BHMT2: variants seen among roughly 807,000 people sequenced by gnomAD.
BHMT2 encodes betaine--homocysteine S-methyltransferase 2, also known as S-methylmethionine--homocysteine S-methyltransferase BHMT2.
A neutral mutation model predicts 39.0 loss-of-function variants in BHMT2; 28 were observed. That is an observed-to-expected ratio of 0.72 (90% CI 0.53 to 0.98). The LOEUF is 0.98. BHMT2 is among the 50% of genes least tolerant of loss of function. The probability of loss-of-function intolerance (pLI) is 0.00; values close to 1 mark genes in which losing one functional copy is unlikely to be tolerated. For missense variants in BHMT2, 410 were observed against 455.6 expected, an observed-to-expected ratio of 0.90 and a Z score of 0.91; for synonymous variants, 145 against 160.6, an observed-to-expected ratio of 0.90 and a Z score of 0.74.
At chr5:79,078,879 A>G (rs1301450072) in intron 2 of BHMT2, among the ~76,000 whole-genome samples, 7 of 152,206 alleles carry the variant, frequency 4.6e-5, no homozygotes. Flanking sequence ...AGAGGAAGGA[A>G]TGACTTTCAG....
chr5:79,077,573 C>T lies in BHMT2; in HGVS notation c.127C>T (p.Leu43Phe), dbSNP rs370995614. 2 of 1,613,790 alleles carry T rather than the reference C, an allele frequency of 1.2e-6. No individual in the cohort carries two copies. Among genetic ancestry groups the T allele is most frequent in the African/African-American group, 2.7e-5 (2 of 74,860 alleles). Residue 43 changes from leucine (L) to phenylalanine (F), a missense_variant, in exon 2 of 8, where the codon CTC becomes TTC. Physicochemically the swap from Leu to Phe is conservative, Grantham distance 22. Coordinates refer to ENST00000255192, the MANE Select transcript of BHMT2 (RefSeq NM_017614.5). ...LEKRGYVKAG[L>F]WTPEAVIEHP... ...GAAGAGAGGCTATGTGAAGGCTGGG[C>T]TCTGGACTCCAGAGGCAGTGATAGA...
intron 2 of BHMT2, 125 bp downstream of exon 2, chr5:79,077,737 A>T: frequency 8.4e-7 from 1 of 1,195,280 alleles, no homozygotes; most frequent in Non-Finnish European, 1.2e-6. Context: ...GATTGCCAAG[A>T]TGTGGAGATA....
chr5:79,084,335 G>A (rs1023869616), intron 7 of BHMT2, among the ~76,000 whole-genome samples: 1 of 152,124 alleles, frequency 6.6e-6, no homozygotes, highest in East Asian at 1.9e-4. Flanking sequence ...GCAGTGCAAT[G>A]ACACAATCTC....
chr5:79,070,775 T>C (rs140512491), intron 1 of BHMT2, among the ~76,000 whole-genome samples: 58 of 152,350 alleles, frequency 3.8e-4, no homozygotes, highest in African/African-American at 1.3e-3. Context: ...GAGAACCAGC[T>C]AAGTGCCTTG....
At chr5:79,085,510 A>G (rs1011643158) in intron 7 of BHMT2, among the ~76,000 whole-genome samples, 1 of 152,152 alleles carries the variant, frequency 6.6e-6, no homozygotes, top group Non-Finnish European at 1.5e-5. Flanking sequence ...GCAAAACTTC[A>G]TCTCTACTAA....
rs376333321 is a variant in BHMT2 at position 79,069,832 on chromosome 5, C to T, written c.33+17C>T. The T allele has an allele frequency of 5.2e-5, 74 of 1,415,936 alleles. No individual in the cohort carries two copies. The highest frequency in any genetic ancestry group is 6.6e-5 in the Non-Finnish European group (71 of 1,077,084). 87.7% of individuals were successfully genotyped at this position (1,415,936 alleles called of 1,614,324 possible). A position where few individuals can be genotyped will look rare whatever the true frequency, so the allele number is the denominator to read the frequency against. On this transcript the variant is annotated intron_variant, in intron 1 of 7. Transcript: ENST00000255192. ...GCCAAGAAGGTGAGTTTCGTCCCCT[C>T]GATCCTCGCGGAGCTCCTGGCCGCT...
chr5:79,079,223 A>G (rs1172211115), intron 2 of BHMT2, 146 bp from the exon 3 acceptor site: 3 of 599,564 alleles, frequency 5.0e-6, no homozygotes, highest in Non-Finnish European at 5.9e-6. Flanking sequence ...ACCTTAATCT[A>G]TAATTTTTTG....
intron 1 of BHMT2, among the ~76,000 whole-genome samples, chr5:79,075,081 G>C (rs1407833465): frequency 6.6e-6 from 1 of 152,172 alleles, no homozygotes; most frequent in Non-Finnish European, 1.5e-5. Context: ...ACTCAACTCT[G>C]CTACTGTAGT....
rs553174622 is a variant in BHMT2 at position 79,082,831 on chromosome 5, C to G, written c.473C>G (p.Ala158Gly). The change falls in exon 5 of 8, where the codon GCT becomes GGT. Residue 158 changes from alanine (A) to glycine (G), a missense_variant. Physicochemically the swap from Ala to Gly is moderately conservative, Grantham distance 60. Coordinates refer to ENST00000255192, the MANE Select transcript of BHMT2 (RefSeq NM_017614.5). ...TAGTATTTTGAGCACGTTGAAGAAG[C>G]TGTGTGGGCTGTGGAAGTCTTAAAA... ...IAEYFEHVEE[A>G]VWAVEVLKES... The G allele has an allele frequency of 1.2e-4, 190 of 1,613,998 alleles. No individual in the cohort carries two copies. Among genetic ancestry groups the G allele is most frequent in the Non-Finnish European group, 1.5e-4 (174 of 1,179,984 alleles).
intron 4 of BHMT2, 107 bp from the exon 5 acceptor site, chr5:79,082,702 G>A (rs1319974815): frequency 1.5e-6 from 2 of 1,349,210 alleles, no homozygotes; most frequent in Admixed American, 2.0e-5. Context: ...TTATGCATAT[G>A]TTTATATTCT....
rs373250750 is a variant in BHMT2 at position 79,069,825 on chromosome 5, G to A, written c.33+10G>A. 1.2e-5 allele frequency: 17 copies of A among 1,424,604 alleles called. No homozygotes were observed. The highest frequency in any genetic ancestry group is 3.1e-5 in the South Asian group (2 of 65,422). The allele number at this position is 1,424,604 out of a possible 1,614,324, so 88.2% of individuals were successfully genotyped here. On this transcript the variant is annotated intron_variant, in intron 1 of 7. Transcript: ENST00000255192. ...CCCGGGGGCCAAGAAGGTGAGTTTC[G>A]TCCCCTCGATCCTCGCGGAGCTCCT...
chr5:79,078,926 T>G (rs1003048486), intron 2 of BHMT2, among the ~76,000 whole-genome samples: 2 of 152,200 alleles, frequency 1.3e-5, no homozygotes, highest in African/African-American at 4.8e-5. Flanking sequence ...TTTCTGATGT[T>G]CCCAAACTGC....
At chr5:79,073,396 G>A (rs946528030) in intron 1 of BHMT2, among the ~76,000 whole-genome samples, 3 of 152,212 alleles carry the variant, frequency 2.0e-5, no homozygotes, top group South Asian at 2.1e-4. Context: ...ACATTCTGCT[G>A]TGATTATTTG....
chr5:79,072,197 G>T (rs762078989), intron 1 of BHMT2, among the ~76,000 whole-genome samples: 1 of 152,020 alleles, frequency 6.6e-6, no homozygotes, highest in Admixed American at 6.6e-5. Flanking sequence ...AACCCTGGAG[G>T]TGGAGGTTGC....
At chr5:79,084,072 C>G (rs1165962205) in intron 7 of BHMT2, among the ~76,000 whole-genome samples, 1 of 152,134 alleles carries the variant, frequency 6.6e-6, no homozygotes, top group Non-Finnish European at 1.5e-5. Flanking sequence ...TTATACACAA[C>G]AGAAATTTCT....
intron 4 of BHMT2, among the ~76,000 whole-genome samples, chr5:79,081,173 G>A (rs1344707045): frequency 6.6e-6 from 1 of 152,262 alleles, no homozygotes; most frequent in East Asian, 1.9e-4. Context: ...AGGAAGCATA[G>A]GGCACAGTGC....
rs13189440 is a variant in BHMT2 at position 79,069,793 on chromosome 5, C to A, written c.11C>A (p.Ala4Asp). The A allele has an allele frequency of 2.1e-6, 3 of 1,436,796 alleles. No homozygotes were observed. Among genetic ancestry groups the A allele is most frequent in the Non-Finnish European group, 2.8e-6 (3 of 1,088,332 alleles). 89.0% of individuals were successfully genotyped at this position (1,436,796 alleles called of 1,614,324 possible). The change falls in exon 1 of 8, where the codon GCT (alanine) becomes GAT (aspartate). Residue 4 changes from alanine to aspartate, a missense_variant. Ala to Asp is a moderately radical substitution (Grantham distance 126). Transcript: ENST00000255192. MAP[A>D]GRPGAKKGIL... ...CAGAGCCGCGGCACCATGGCACCTG[C>A]TGGACGCCCGGGGGCCAAGAAGGTG...
chr5:79,077,530 C>T lies in BHMT2; in HGVS notation c.84C>T (p.Ser28=), dbSNP rs1313726138. 1 of 1,613,710 alleles carries T rather than the reference C, an allele frequency of 6.2e-7. No individual in the cohort carries two copies. Among genetic ancestry groups the T allele is most frequent in the South Asian group, 1.1e-5 (1 of 91,044 alleles). Residue 28 remains serine (S), a synonymous_variant, in exon 2 of 8, where the codon AGC becomes AGT. Coordinates refer to ENST00000255192, the MANE Select transcript of BHMT2 (RefSeq NM_017614.5). ...GGGAGGTTGTGATTGGAGATGGCAG[C>T]TTTCTCATTACTCTGGAGAAGAGAG... ...ESGEVVIGDG[S]FLITLEKRGY...
At chr5:79,072,440 TTTC>T (rs1755597375) in intron 1 of BHMT2, among the ~76,000 whole-genome samples, 1 of 152,248 alleles carries the variant, frequency 6.6e-6, no homozygotes, top group Admixed American at 6.5e-5. Context: ...AGTAACATTT[TTTC>T]TTCTTCAGGA....
Sources: gnomAD v4.1 joint callset for allele counts (sites outside exome capture counted in the v4.1 genomes callset) on GRCh38, gnomAD v4.1.1 for gene constraint, MANE v1.5 for transcripts, NCBI Gene and HGNC (gene_info 2026-07-23, HGNC 2026-07-21) for gene names.